AACS: variants seen among roughly 807,000 people sequenced by gnomAD.
AACS encodes the protein acetoacetyl-CoA synthetase.
In AACS, 69 loss-of-function variants were observed where a neutral mutation model predicts 83.1. That is an observed-to-expected ratio of 0.83 (90% confidence interval 0.68 to 1.01). The LOEUF is 1.01. Ranked by LOEUF, AACS falls within the 50% of genes least tolerant of loss-of-function variation. The pLI is 0.00. For synonymous variants in AACS, 333 were observed against 343.4 expected, an observed-to-expected ratio of 0.97 and a Z score of 0.33; for missense variants, 866 against 882.2, an observed-to-expected ratio of 0.98 and a Z score of 0.23.
In AACS at chr12:125,129,508, G is replaced by C; in HGVS notation, c.1549+48G>C. On this transcript the variant is annotated intron_variant, in intron 14 of 17. Transcript: ENST00000316519. This position sits in a 1 kb window ranked among gnomAD's most constrained non-coding sequence, Gnocchi z 4.3. ...GAGCTGGCCAGCCTCTGCCTTGGCT[G>C]GGCCTTCTGTGTCTAATTCTGTACC... The C allele has an allele frequency of 5.0e-6, 8 of 1,596,970 alleles. No homozygotes were observed. The highest frequency in any genetic ancestry group is 6.8e-6 in the Non-Finnish European group (8 of 1,171,998).
chr12:125,120,501 T>G (rs1314244609), intron 10 of AACS: 1 of 152,204 alleles, frequency 6.6e-6, no homozygotes, highest in East Asian at 1.9e-4. Flanking sequence ...GGAAGGCTAT[T>G]TCCTAATGAG....
chr12:125,068,843 C>T (rs1955776659), intron 1 of AACS, among the ~76,000 whole-genome samples: 1 of 138,820 alleles, frequency 7.2e-6, no homozygotes. Flanking sequence ...TGTGAGCATT[C>T]TTTTTTTTTT....
intron 10 of AACS, chr12:125,119,877 C>T (rs1048087971): frequency 2.6e-5 from 4 of 152,264 alleles, no homozygotes; most frequent in African/African-American, 9.7e-5. Flanking sequence ...TTCCTGCCAC[C>T]TTTCTCCTGA....
At position 125,134,034 on chromosome 12, in the gene AACS, C is replaced by G; in HGVS notation, c.1581C>G (p.Ile527Met). 1 of 1,614,172 alleles carries G rather than the reference C, an allele frequency of 6.2e-7. No homozygotes were observed. The highest frequency in any genetic ancestry group is 8.5e-7 in the Non-Finnish European group (1 of 1,180,024). The change falls in exon 15 of 18, where the codon ATC becomes ATG. Residue 527 changes from isoleucine (I) to methionine (M), a missense_variant. Transcript: ENST00000316519. ...GGGCTCATGGCGACTACTGCAGAAT[C>G]AACCCCAAGACCGGGGGCATCGTCA... ...GIWAHGDYCR[I>M]NPKTGGIVML... is the part of the protein sequence containing the mutation.
Position 125,142,175 on chromosome 12 carries a change from G to C in AACS, c.1965G>C (p.Ser655=). The change falls in exon 18 of 18, where the codon TCG becomes TCC. Residue 655 remains serine (S), a synonymous_variant. Coordinates refer to ENST00000316519, the MANE Select transcript of AACS (RefSeq NM_023928.5). ...GKAVEQGGAF[S]NPETLDLYRD... is the part of the protein sequence containing the mutation. ...CCGTGGAGCAAGGAGGTGCTTTCTC[G>C]AACCCCGAGACCCTGGATCTGTACC... 1 of 1,614,170 alleles carries C rather than the reference G, an allele frequency of 6.2e-7. No individual in the cohort carries two copies.
chr12:125,142,041 T>G (rs575003255), intron 17 of AACS, 51 bp from the exon 18 acceptor site: 10 of 1,608,510 alleles, frequency 6.2e-6, no homozygotes, highest in African/African-American at 1.3e-5. Flanking sequence ...GGCTGCGGAT[T>G]TTCCCCCCTT....
chr12:125,137,941 G>C (rs1168388348), intron 17 of AACS, among the ~76,000 whole-genome samples: 1 of 152,236 alleles, frequency 6.6e-6, no homozygotes, highest in African/African-American at 2.4e-5. Flanking sequence ...TTTACCAGGA[G>C]AGTCTGCTTC....
intron 4 of AACS, among the ~76,000 whole-genome samples, chr12:125,090,861 C>T (rs74821292): frequency 0.038 from 5,744 of 152,306 alleles, 187 homozygotes; most frequent in Non-Finnish European, 0.058. Context: ...AGATACTAGA[C>T]GGCCAGTTAC....
chr12:125,077,906 C>T (rs1594577641), intron 3 of AACS, among the ~76,000 whole-genome samples: 1 of 151,896 alleles, frequency 6.6e-6, no homozygotes, highest in Non-Finnish European at 1.5e-5. Context: ...ATGGGGTTTC[C>T]CCATGTTGGC....
At chr12:125,116,529 T>A (rs1957056091) in intron 9 of AACS, among the ~76,000 whole-genome samples, 1 of 151,750 alleles carries the variant, frequency 6.6e-6, no homozygotes, top group African/African-American at 2.4e-5. Context: ...AGTGGCGCGA[T>A]TTTGGCTCTC....
At chr12:125,126,333 T>C (rs1957244178) in intron 12 of AACS, 1 of 152,158 alleles carries the variant, frequency 6.6e-6, no homozygotes, top group Admixed American at 6.5e-5. Context: ...ACGCACGTGG[T>C]AAAAAATTCA....
intron 7 of AACS, among the ~76,000 whole-genome samples, chr12:125,104,831 C>T (rs1310310106): frequency 6.6e-6 from 1 of 152,162 alleles, no homozygotes; most frequent in Non-Finnish European, 1.5e-5. Flanking sequence ...TAAAGAAATA[C>T]CTGAGACTGG....
rs961902531 is a variant in AACS at position 125,097,689 on chromosome 12, C to T, written c.571-4990C>T. 1.8e-4 allele frequency among the ~76,000 whole-genome samples: 28 copies of T among 152,184 alleles called. No individual in the cohort carries two copies. Among genetic ancestry groups the T allele is most frequent in the Admixed American group, 1.6e-3 (24 of 15,278 alleles). Reference sequence around the variant, plus strand: ...TGAGAGCACTTCAGCCTTCCTTCCCCCTGTCCAGTCAGCACTGGCGGGGCT... The same window carrying T: ...TGAGAGCACTTCAGCCTTCCTTCCCTCTGTCCAGTCAGCACTGGCGGGGCT... On this transcript the variant is annotated intron_variant, in intron 5 of 17. Coordinates refer to ENST00000316519, the MANE Select transcript of AACS (RefSeq NM_023928.5). This position sits in a 1 kb window ranked among gnomAD's most constrained non-coding sequence, Gnocchi z 4.3.
intron 15 of AACS, 28 bp downstream of exon 15, chr12:125,134,100 T>G: frequency 6.2e-7 from 1 of 1,609,594 alleles, no homozygotes; most frequent in Non-Finnish European, 8.5e-7. Flanking sequence ...GGCTTCTCTT[T>G]CCTGGAGCCC....
intron 3 of AACS, among the ~76,000 whole-genome samples, chr12:125,080,627 C>T (rs1956150910): frequency 2.2e-4 from 3 of 13,710 alleles, no homozygotes; most frequent in Admixed American, 2.3e-3. Context: ...CTCTTCACTC[C>T]CACCATCTCT....
intron 5 of AACS, among the ~76,000 whole-genome samples, chr12:125,098,990 T>C (rs1003552681): frequency 1.3e-5 from 2 of 152,192 alleles, no homozygotes; most frequent in South Asian, 2.1e-4. Flanking sequence ...GTGGGCGTCT[T>C]GCATGTCCTT....
intron 8 of AACS, among the ~76,000 whole-genome samples, chr12:125,108,342 T>C (rs978885561): frequency 2.6e-5 from 4 of 152,162 alleles, no homozygotes; most frequent in Non-Finnish European, 4.4e-5. Flanking sequence ...CCTCGTGTGA[T>C]CTTTCACGTG....
chr12:125,089,661 C>G (rs1351769970), intron 4 of AACS, among the ~76,000 whole-genome samples: 1 of 152,082 alleles, frequency 6.6e-6, no homozygotes, highest in Non-Finnish European at 1.5e-5. Flanking sequence ...ATCCAACCAA[C>G]CATCCACCAG....
chr12:125,132,764 A>G (rs531122466), intron 14 of AACS, among the ~76,000 whole-genome samples: 12 of 152,134 alleles, frequency 7.9e-5, no homozygotes, highest in Non-Finnish European at 1.8e-4. Context: ...GGGACCATGC[A>G]CTCCTGTACA....
Sources: gnomAD v4.1 joint callset for allele counts (sites outside exome capture counted in the v4.1 genomes callset) on GRCh38, gnomAD v4.1.1 for gene constraint, Gnocchi (gnomAD v3.1) non-coding constraint, MANE v1.5 for transcripts, NCBI Gene and HGNC (gene_info 2026-07-23, HGNC 2026-07-21) for gene names.